Variants in CACNA2D1 observed in about 807,000 individuals in gnomAD.
CACNA2D1 encodes the protein voltage-dependent calcium channel subunit alpha-2/delta-1.
Under a neutral mutation model 171.5 loss-of-function variants are expected in CACNA2D1, and 53 were observed. The observed-to-expected ratio is 0.31, with a 90% CI of 0.25 to 0.39. The LOEUF is 0.39. CACNA2D1 is among the 10% of genes least tolerant of loss of function. CACNA2D1 has a pLI of 1.00. For missense variants in CACNA2D1, 903 were observed against 1,299.8 expected, an observed-to-expected ratio of 0.69 and a Z score of 4.69; for synonymous variants, 442 against 443.1, an observed-to-expected ratio of 1.00 and a Z score of 0.03.
chr7:82,435,668 C>G (rs949839613), intron 1 of CACNA2D1, among the ~76,000 whole-genome samples: 1 of 152,186 alleles, frequency 6.6e-6, no homozygotes, highest in Admixed American at 6.5e-5. Context: ...GGTATACTAA[C>G]TAGTCTCATT....
chr7:82,281,288 C>T (rs1019157272), intron 3 of CACNA2D1, among the ~76,000 whole-genome samples: 2 of 152,124 alleles, frequency 1.3e-5, no homozygotes, highest in Non-Finnish European at 2.9e-5. Context: ...TGTTAACCAA[C>T]GGAATCTTGG....
intron 10 of CACNA2D1, among the ~76,000 whole-genome samples, chr7:82,049,600 C>T (rs1255543320): frequency 6.6e-6 from 1 of 152,188 alleles, no homozygotes; most frequent in African/African-American, 2.4e-5. Flanking sequence ...AACAGTAATG[C>T]GATAAAAACC....
chr7:82,322,609 A>C (rs1816134232), intron 3 of CACNA2D1, among the ~76,000 whole-genome samples: 1 of 152,098 alleles, frequency 6.6e-6, no homozygotes, highest in Non-Finnish European at 1.5e-5. Context: ...ACAGAATGAT[A>C]CCCTGTCTCA....
chr7:82,173,397 G>T (rs1036704095), intron 3 of CACNA2D1, among the ~76,000 whole-genome samples: 6 of 152,046 alleles, frequency 3.9e-5, no homozygotes, highest in Non-Finnish European at 8.8e-5. Flanking sequence ...TAAAAGGCTG[G>T]TCTGAAGCTT....
chr7:82,181,651 T>G (rs1228135311), intron 3 of CACNA2D1, among the ~76,000 whole-genome samples: 1 of 152,136 alleles, frequency 6.6e-6, no homozygotes, highest in African/African-American at 2.4e-5. Flanking sequence ...AAAAGCAAGC[T>G]CTCATATCTG....
intron 5 of CACNA2D1, among the ~76,000 whole-genome samples, chr7:82,128,626 G>A (rs1289133619): frequency 6.6e-6 from 1 of 152,152 alleles, no homozygotes; most frequent in Admixed American, 6.5e-5. Flanking sequence ...ACACTCGAAT[G>A]TATCCTTCTT....
At chr7:82,391,882 T>C (rs1175705910) in intron 1 of CACNA2D1, among the ~76,000 whole-genome samples, 1 of 152,236 alleles carries the variant, frequency 6.6e-6, no homozygotes, top group East Asian at 1.9e-4. Context: ...TTCCCAACTT[T>C]TGTCTTTCTG....
intron 3 of CACNA2D1, among the ~76,000 whole-genome samples, chr7:82,330,039 C>A (rs756178264): frequency 2.0e-5 from 3 of 149,396 alleles, no homozygotes; most frequent in Non-Finnish European, 3.0e-5. Flanking sequence ...AGAATCATAA[C>A]ATGATTTTAT....
At chr7:82,071,994 A>G (rs1808369290) in intron 7 of CACNA2D1, among the ~76,000 whole-genome samples, 1 of 152,152 alleles carries the variant, frequency 6.6e-6, no homozygotes, top group Non-Finnish European at 1.5e-5. Flanking sequence ...GCTGGACAAC[A>G]TCATGGACCA....
intron 6 of CACNA2D1, among the ~76,000 whole-genome samples, chr7:82,113,244 T>C (rs1242680901): frequency 6.6e-6 from 1 of 152,102 alleles, no homozygotes; most frequent in Non-Finnish European, 1.5e-5. Flanking sequence ...AAAATAATTA[T>C]ACAATATTCT....
chr7:82,158,429 C>A, intron 4 of CACNA2D1, among the ~76,000 whole-genome samples: 1 of 151,210 alleles, frequency 6.6e-6, no homozygotes, highest in East Asian at 2.0e-4. Flanking sequence ...TGCTATATAC[C>A]TTGCAGATTC....
chr7:82,443,818 C>CGAGGCG (rs1473614929), upstream of CACNA2D1: 7 of 731,096 alleles, frequency 9.6e-6, no homozygotes, highest in African/African-American at 1.9e-5. Context: ...CCCCGATTGC[C>CGAGGCG]GAGGCGAAGG....
intron 1 of CACNA2D1, among the ~76,000 whole-genome samples, chr7:82,387,144 T>C (rs1824501372): frequency 6.6e-6 from 1 of 152,198 alleles, no homozygotes; most frequent in Non-Finnish European, 1.5e-5. Flanking sequence ...AATCATTAAA[T>C]GCCCTCACTA....
chr7:82,350,508 AC>A (rs1194545168), intron 1 of CACNA2D1, among the ~76,000 whole-genome samples: 4 of 152,144 alleles, frequency 2.6e-5, no homozygotes, highest in Non-Finnish European at 4.4e-5. Context: ...TACTAAAAAT[AC>A]AAAAAACTAG....
At chr7:82,187,939 G>C (rs1797925935) in intron 3 of CACNA2D1, among the ~76,000 whole-genome samples, 1 of 152,192 alleles carries the variant, frequency 6.6e-6, no homozygotes, top group East Asian at 1.9e-4. Context: ...ATCCAAGAAA[G>C]AGATGTTGTG....
intron 1 of CACNA2D1, among the ~76,000 whole-genome samples, chr7:82,432,037 TAAAAAAAAA>T (rs34180150): frequency 1.2e-5 from 1 of 82,234 alleles, no homozygotes; most frequent in Non-Finnish European, 2.0e-5. Flanking sequence ...GACTCTGTCT[TAAAAAAAAA>T]AAAAAAAAAA....
At chr7:82,349,689 G>A (rs1312519993) in intron 1 of CACNA2D1, 40 bp from the exon 2 acceptor site, 1 of 1,480,342 alleles carries the variant, frequency 6.8e-7, no homozygotes, top group Non-Finnish European at 9.4e-7. Flanking sequence ...TCAGATCTCT[G>A]GCAAATAAAA....
At chr7:82,337,242 A>T (rs531898223) in intron 2 of CACNA2D1, among the ~76,000 whole-genome samples, 190 of 152,240 alleles carry the variant, frequency 1.2e-3, no homozygotes, top group African/African-American at 4.3e-3. Flanking sequence ...ATCTGGCTGT[A>T]TTATTTTATA....
chr7:82,322,389 A>G (rs1816086488), intron 3 of CACNA2D1, among the ~76,000 whole-genome samples: 1 of 147,548 alleles, frequency 6.8e-6, no homozygotes, highest in African/African-American at 2.5e-5. Context: ...CTGAAGTGGG[A>G]GGATCCCCTG....
Sources: allele counts gnomAD v4.1 joint callset (sites outside exome capture counted in the v4.1 genomes callset), GRCh38; gene constraint gnomAD v4.1.1; transcripts MANE v1.5; gene names NCBI Gene and HGNC (gene_info 2026-07-23, HGNC 2026-07-21).